MITF: variants seen among roughly 807,000 people sequenced by gnomAD.
MITF encodes the protein melanocyte inducing transcription factor.
In MITF, 17 loss-of-function variants were observed where a neutral mutation model predicts 60.5. The ratio of observed to expected loss-of-function variants is 0.28; its 90% CI spans 0.19 to 0.42. The LOEUF is 0.42. MITF is among the 10% of genes least tolerant of loss of function. The pLI, the probability that MITF is intolerant of heterozygous loss-of-function variation, is 1.00. For synonymous variants in MITF, 260 were observed against 248.5 expected, an observed-to-expected ratio of 1.05 and a Z score of -0.43; for missense variants, 622 against 683.5, an observed-to-expected ratio of 0.91 and a Z score of 1.00.
Position 69,848,957 on chromosome 3 carries a change from CTT to C in MITF, c.105-30153_105-30152del, listed in dbSNP as rs55969316. On this transcript the variant is annotated intron_variant, in intron 1 of 9. Coordinates refer to ENST00000352241, the MANE Select transcript of MITF (RefSeq NM_001354604.2). Reference sequence around the variant, plus strand: ...GGAAATTATTTGGGCAAAGATTCTTCTTTTTTTTTTTTTTTTTTTTTTTTTGA... The same window carrying C: ...GGAAATTATTTGGGCAAAGATTCTTCTTTTTTTTTTTTTTTTTTTTTTTGA... 8.3e-3 allele frequency among the ~76,000 whole-genome samples: 611 copies of C among 73,262 alleles called. 1 individual carries two copies. Among genetic ancestry groups the C allele is most frequent in the African/African-American group, 0.025 (500 of 19,886 alleles). 48.1% of individuals were successfully genotyped at this position (73,262 alleles called of 152,430 possible). A position where few individuals can be genotyped will look rare whatever the true frequency, so the allele number is the denominator to read the frequency against.
At chr3:69,844,862 A>G (rs1412260568) in intron 1 of MITF, among the ~76,000 whole-genome samples, 1 of 152,198 alleles carries the variant, frequency 6.6e-6, no homozygotes, top group Non-Finnish European at 1.5e-5. Flanking sequence ...GCATTTACTG[A>G]AAAATCAGAT....
intron 1 of MITF, among the ~76,000 whole-genome samples, chr3:69,848,362 A>G (rs1453463845): frequency 6.6e-6 from 1 of 152,212 alleles, no homozygotes; most frequent in Non-Finnish European, 1.5e-5. Flanking sequence ...ACTCTGACAA[A>G]TATTGGCTGG....
chr3:69,755,484 A>G (rs1448298285), intron 1 of MITF, among the ~76,000 whole-genome samples: 1 of 93,560 alleles, frequency 1.1e-5, no homozygotes, highest in Non-Finnish European at 1.9e-5. Context: ...GAATAGCAGT[A>G]TATAGCCACT....
intron 1 of MITF, among the ~76,000 whole-genome samples, chr3:69,757,922 G>A (rs1300006814): frequency 2.0e-5 from 3 of 150,952 alleles, no homozygotes; most frequent in African/African-American, 4.9e-5. Context: ...TGATGGTGTG[G>A]ATCCCAGATC....
intron 2 of MITF, among the ~76,000 whole-genome samples, chr3:69,910,310 C>A (rs1242980490): frequency 6.6e-6 from 1 of 152,186 alleles, no homozygotes; most frequent in Non-Finnish European, 1.5e-5. Flanking sequence ...GATGCTCAGG[C>A]AAAAGTTTGC....
At chr3:69,925,093 G>A (rs1162640981) in intron 2 of MITF, among the ~76,000 whole-genome samples, 1 of 151,972 alleles carries the variant, frequency 6.6e-6, no homozygotes, top group Non-Finnish European at 1.5e-5. Flanking sequence ...ATTCCAAGGT[G>A]AACAATCATA....
At chr3:69,929,315 A>G (rs7430957) in intron 2 of MITF, among the ~76,000 whole-genome samples, 45,795 of 152,066 alleles carry the variant, frequency 0.3, 7,984 homozygotes, top group African/African-American at 0.48. Flanking sequence ...CACTGGTAGC[A>G]TGTGGGCTGG....
intron 1 of MITF, among the ~76,000 whole-genome samples, chr3:69,830,027 A>G (rs1051563556): frequency 4.0e-5 from 6 of 151,708 alleles, no homozygotes; most frequent in Non-Finnish European, 8.8e-5. Flanking sequence ...AGCAGGAGGG[A>G]CCGTGATGTG....
chr3:69,756,942 G>A (rs1704174159), intron 1 of MITF, among the ~76,000 whole-genome samples: 1 of 152,170 alleles, frequency 6.6e-6, no homozygotes, highest in African/African-American at 2.4e-5. Flanking sequence ...CTTTTGAGAA[G>A]TGTCTGTTGA....
At chr3:69,796,402 A>T (rs6781171) in intron 1 of MITF, among the ~76,000 whole-genome samples, 52,637 of 151,196 alleles carry the variant, frequency 0.35, 9,963 homozygotes, top group Non-Finnish European at 0.42. Context: ...TTTAGTGCCT[A>T]TGAGGAATTT....
intron 2 of MITF, among the ~76,000 whole-genome samples, chr3:69,896,778 A>T (rs1032868989): frequency 1.3e-5 from 2 of 152,238 alleles, no homozygotes; most frequent in South Asian, 4.1e-4. Flanking sequence ...TACCTAGCAC[A>T]GCCCCTGAGC....
chr3:69,904,107 G>A (rs1038817872), intron 2 of MITF, among the ~76,000 whole-genome samples: 1 of 151,976 alleles, frequency 6.6e-6, no homozygotes, highest in African/African-American at 2.4e-5. Flanking sequence ...GCTTGAACCA[G>A]TATCACCCAT....
chr3:69,952,717 G>A (rs779517907), intron 7 of MITF, among the ~76,000 whole-genome samples: 5 of 152,050 alleles, frequency 3.3e-5, no homozygotes, highest in Admixed American at 6.6e-5. Context: ...TGTGTATTAA[G>A]AATATAGACA....
At chr3:69,869,152 G>A (rs562833234) in intron 1 of MITF, among the ~76,000 whole-genome samples, 1 of 152,172 alleles carries the variant, frequency 6.6e-6, no homozygotes, top group Non-Finnish European at 1.5e-5. Flanking sequence ...TAGAATATTT[G>A]TTGGGAGACA....
chr3:69,744,646 T>A (rs1559604534), intron 1 of MITF, among the ~76,000 whole-genome samples: 1 of 152,230 alleles, frequency 6.6e-6, no homozygotes, highest in Non-Finnish European at 1.5e-5. Flanking sequence ...TTTTCTTTAT[T>A]ACCTAGCAGC....
chr3:69,834,959 C>T (rs1451427194), intron 1 of MITF, among the ~76,000 whole-genome samples: 1 of 134,650 alleles, frequency 7.4e-6, no homozygotes, highest in African/African-American at 2.8e-5. Context: ...TTTTTCATAT[C>T]TGTTGCCATG....
chr3:69,882,272 G>C (rs192104336), intron 2 of MITF, among the ~76,000 whole-genome samples: 2 of 152,216 alleles, frequency 1.3e-5, no homozygotes, highest in Admixed American at 1.3e-4. Flanking sequence ...TGTGCCGTGA[G>C]TAAGTTCATG....
intron 3 of MITF, 29 bp from the exon 4 acceptor site, chr3:69,939,069 A>G: frequency 6.2e-7 from 1 of 1,612,054 alleles, no homozygotes; most frequent in Non-Finnish European, 8.5e-7. Flanking sequence ...AATCCAAGTT[A>G]TAGACTGTTT....
At chr3:69,936,353 A>G (rs1397843188) in intron 2 of MITF, among the ~76,000 whole-genome samples, 3 of 152,202 alleles carry the variant, frequency 2.0e-5, no homozygotes, top group Admixed American at 2.0e-4. Flanking sequence ...CTAAAGATGA[A>G]TAGTGAATTG....
Sources: gnomAD v4.1 joint callset for allele counts (sites outside exome capture counted in the v4.1 genomes callset) on GRCh38, gnomAD v4.1.1 for gene constraint, MANE v1.5 for transcripts, NCBI Gene and HGNC (gene_info 2026-07-23, HGNC 2026-07-21) for gene names.